Variants in PRSS8 observed in about 807,000 individuals in gnomAD.
PRSS8 encodes prostasin.
A neutral mutation model predicts 26.7 loss-of-function variants in PRSS8; 11 were observed. That is an observed-to-expected ratio of 0.41 (90% CI 0.26 to 0.68). PRSS8 has a LOEUF of 0.68. Ranked by LOEUF, PRSS8 falls within the 30% of genes least tolerant of loss-of-function variation. The pLI is 0.30. For missense variants in PRSS8, 362 were observed against 443.5 expected, an observed-to-expected ratio of 0.82 and a Z score of 1.65; for synonymous variants, 183 against 187.0, an observed-to-expected ratio of 0.98 and a Z score of 0.17.
chr16:31,134,669 T>G (rs1291052716), intron 2 of PRSS8: 1 of 168,222 alleles, frequency 5.9e-6, no homozygotes, highest in African/African-American at 2.4e-5. Context: ...GAGACCCACA[T>G]CTCTACCAAA....
chr16:31,135,465 G>T lies in PRSS8; in HGVS notation c.34C>A (p.Leu12Met). ...TAGAGCAGAATGGCCACAGCCCCCA[G>T]CTGCCCAGGCCCCAGGACCCCCTTC... ...AQKGVLGPGQ[L>M]GAVAILLYLG... Residue 12 changes from leucine (L) to methionine (M), a missense_variant, in exon 1 of 6, where the codon CTG becomes ATG. Physicochemically the swap from Leu to Met is conservative, Grantham distance 15. Coordinates refer to ENST00000317508, the MANE Select transcript of PRSS8 (RefSeq NM_002773.5). 1 of 1,587,710 alleles carries T rather than the reference G, an allele frequency of 6.3e-7. No individual in the cohort carries two copies.
rs1352282341 is a variant in PRSS8 at position 31,135,709 on chromosome 16, C to T, written c.-211G>A. 2.0e-5 allele frequency: 11 copies of T among 538,422 alleles called. No homozygotes were observed. Among genetic ancestry groups the T allele is most frequent in the Non-Finnish European group, 3.3e-5 (10 of 304,700 alleles). 33.4% of individuals were successfully genotyped at this position (538,422 alleles called of 1,614,324 possible). ...GAGTATCCGAAGCGAGCAGTGTGGA[C>T]GAGTCACCAGCACCGTCTGGCCACG... On this transcript the variant is annotated 5_prime_UTR_variant, in exon 1 of 6. Coordinates refer to ENST00000317508, the MANE Select transcript of PRSS8 (RefSeq NM_002773.5).
chr16:31,135,622 G>T lies in PRSS8; in HGVS notation c.-124C>A. 2.3e-6 allele frequency: 2 copies of T among 854,052 alleles called. No homozygotes were observed. The highest frequency in any genetic ancestry group is 1.8e-6 in the Non-Finnish European group (1 of 557,006). The allele number at this position is 854,052 out of a possible 1,614,324, so 52.9% of individuals were successfully genotyped here. A position where few individuals can be genotyped will look rare whatever the true frequency, so the allele number is the denominator to read the frequency against. Reference sequence around the variant, plus strand: ...AGGATCCCAGAATCCGGGCTGGAAAGGGGCAGCAAGTGTCCAAGGCTGGCC... The same window carrying T: ...AGGATCCCAGAATCCGGGCTGGAAATGGGCAGCAAGTGTCCAAGGCTGGCC... On this transcript the variant is annotated 5_prime_UTR_variant, in exon 1 of 6. Coordinates refer to ENST00000317508, the MANE Select transcript of PRSS8 (RefSeq NM_002773.5).
Position 31,133,333 on chromosome 16 carries a change from G to C in PRSS8, c.159C>G (p.Ala53=), listed in dbSNP as rs762864860. ...TGCTGACCTGCCAGGGCCACTGACCGGCGACTGCACTGCTGCCACCTGTGA... is the reference window on the plus strand; with the variant it reads ...TGCTGACCTGCCAGGGCCACTGACCCGCGACTGCACTGCTGCCACCTGTGA... ...ARITGGSSAV[A]GQWPWQVSIT... The change falls in exon 3 of 6, where the codon GCC becomes GCG. Residue 53 remains alanine, a synonymous_variant. Coordinates refer to ENST00000317508, the MANE Select transcript of PRSS8 (RefSeq NM_002773.5). The surrounding 1 kb of genome is among the most constrained non-coding windows in gnomAD (Gnocchi z 4.7). 1.2e-6 allele frequency: 2 copies of C among 1,613,980 alleles called. No homozygotes were observed.
rs2057584633 is a variant in PRSS8 at position 31,132,323 on chromosome 16, C to T, written c.718G>A (p.Gly240Ser). The T allele has an allele frequency of 6.2e-7, 1 of 1,613,976 alleles. No individual in the cohort carries two copies. The highest frequency in any genetic ancestry group is 8.5e-7 in the Non-Finnish European group (1 of 1,179,884). ...GKDACQGDSG[G>S]PLSCPVEGLW... ...CCCTCCACAGGGCAGGAGAGTGGGC[C>T]CCCAGAGTCACCCTGAGGAGAGAAG... The change falls in exon 6 of 6, where the codon GGC (glycine) becomes AGC (serine). Residue 240 changes from glycine to serine, a missense_variant. By Grantham distance (56) the Gly-to-Ser change is moderately conservative. Coordinates refer to ENST00000317508, the MANE Select transcript of PRSS8 (RefSeq NM_002773.5). The surrounding 1 kb of genome is among the most constrained non-coding windows in gnomAD (Gnocchi z 5.2).
At chr16:31,134,972 G>A (rs1406108392) in intron 2 of PRSS8, 182 bp downstream of exon 2, 3 of 685,314 alleles carry the variant, frequency 4.4e-6, no homozygotes, top group Non-Finnish European at 7.3e-6. Context: ...CTGGCAGTGT[G>A]CCCTGGGCAA....
chr16:31,135,083 G>A (rs1484825901), intron 2 of PRSS8, 71 bp downstream of exon 2: 13 of 1,569,870 alleles, frequency 8.3e-6, no homozygotes, highest in African/African-American at 1.4e-5. Context: ...GCCAGGCACT[G>A]GTTAAACCCC....
Position 31,131,899 on chromosome 16 carries a change from G to T in PRSS8, c.*110C>A. The T allele has an allele frequency of 7.9e-7, 1 of 1,268,708 alleles. No individual in the cohort carries two copies. 78.6% of individuals were successfully genotyped at this position (1,268,708 alleles called of 1,614,324 possible). A position where few individuals can be genotyped will look rare whatever the true frequency, so the allele number is the denominator to read the frequency against. The stretch of plus-strand genomic sequence containing the variant: ...AGATGGGGCCCCAGCCTCCCGCAGA[G>T]TCCTGAAGGAAGGAGTGGCTCAAGT... On this transcript the variant is annotated 3_prime_UTR_variant, in exon 6 of 6. Coordinates refer to ENST00000317508, the MANE Select transcript of PRSS8 (RefSeq NM_002773.5).
chr16:31,134,006 A>G (rs2144004997), intron 2 of PRSS8: 1 of 160,378 alleles, frequency 6.2e-6, no homozygotes, highest in Non-Finnish European at 1.4e-5. Flanking sequence ...ATTGTTCCGG[A>G]GTCCACAACT....
At position 31,132,513 on chromosome 16, in the gene PRSS8, G is replaced by A. The variant is rs762733791; in HGVS notation, c.621C>T (p.Ile207=). ...AGTGCGGCTCCTCAGGCTTGGCGTC[G>A]ATGTTGTACAGGCAGTTACACGTCT... The part of the protein sequence containing the change: ...SRETCNCLYN[I]DAKPEEPHFV... Residue 207 remains isoleucine, a synonymous_variant, in exon 5 of 6, where the codon ATC becomes ATT. Transcript: ENST00000317508. This position sits in a 1 kb window ranked among gnomAD's most constrained non-coding sequence, Gnocchi z 5.2. 1.1e-5 allele frequency: 18 copies of A among 1,613,920 alleles called. No homozygotes were observed. The highest frequency in any genetic ancestry group is 4.0e-5 in the African/African-American group (3 of 74,932).
chr16:31,132,553 G>C lies in PRSS8; in HGVS notation c.581C>G (p.Pro194Arg). 1 of 1,614,056 alleles carries C rather than the reference G, an allele frequency of 6.2e-7. No homozygotes were observed. Residue 194 changes from proline to arginine, a missense_variant, in exon 5 of 6, where the codon CCT becomes CGT. Physicochemically the swap from Pro to Arg is moderately radical, Grantham distance 103. Coordinates refer to ENST00000317508, the MANE Select transcript of PRSS8 (RefSeq NM_002773.5). This position sits in a 1 kb window ranked among gnomAD's most constrained non-coding sequence, Gnocchi z 5.2. Reference protein sequence around the residue: ...TPKPLQQLEVPLISRETCNCL... With the variant: ...TPKPLQQLEVRLISRETCNCL... ...GTTACACGTCTCACGACTGATCAGA[G>C]GCACCTCGAGTTGCTGCAGTGGCTT...
chr16:31,132,386 T>C lies in PRSS8; in HGVS notation c.705+43A>G, dbSNP rs774343794. 7 of 1,613,838 alleles carry C rather than the reference T, an allele frequency of 4.3e-6. No individual in the cohort carries two copies. In the East Asian group the frequency reaches 1.3e-4, roughly 31 times the overall value. On this transcript the variant is annotated intron_variant, in intron 5 of 5. Transcript: ENST00000317508. The surrounding 1 kb of genome is among the most constrained non-coding windows in gnomAD (Gnocchi z 5.2). Reference sequence around the variant, plus strand: ...CATCAGGACCGGGCCAGGCCTCCTTTCCGAAGTTGCACTGGTCATCTGCCC... The same window carrying C: ...CATCAGGACCGGGCCAGGCCTCCTTCCCGAAGTTGCACTGGTCATCTGCCC...
In PRSS8 at chr16:31,132,909, T is replaced by G; in HGVS notation, c.311A>C (p.Gln104Pro). The G allele has an allele frequency of 6.2e-7, 1 of 1,613,226 alleles. No homozygotes were observed. The highest frequency in any genetic ancestry group is 8.5e-7 in the Non-Finnish European group (1 of 1,179,496). Residue 104 changes from glutamine (Q) to proline (P), a missense_variant, in exon 4 of 6, where the codon CAG (glutamine) becomes CCG (proline). By Grantham distance (76) the Gln-to-Pro change is moderately conservative. Coordinates refer to ENST00000317508, the MANE Select transcript of PRSS8 (RefSeq NM_002773.5). This position sits in a 1 kb window ranked among gnomAD's most constrained non-coding sequence, Gnocchi z 5.2. ...GGCGTCCTCGGAGTAGGAGTCTAGC[T>G]GGTGGGCCCCCAGCTTGACCTCATA... is the stretch of plus-strand genomic sequence containing the variant. ...EAYEVKLGAH[Q>P]LDSYSEDAKV...
intron 2 of PRSS8, chr16:31,134,828 G>A (rs889253060): frequency 5.9e-6 from 2 of 339,100 alleles, no homozygotes; most frequent in Non-Finnish European, 1.1e-5. Context: ...AGCTGCGATC[G>A]GGCCACTGCA....
Position 31,131,829 on chromosome 16 carries a change from T to G in PRSS8, c.*180A>C, listed in dbSNP as rs543418882. On this transcript the variant is annotated 3_prime_UTR_variant, in exon 6 of 6. Transcript: ENST00000317508. ...AGGCAGTAAAACTCCTGACTCTCAG[T>G]GATGGTCCCAAAAAGCACACCCAGA... The G allele has an allele frequency of 2.7e-5, 18 of 658,186 alleles. No individual in the cohort carries two copies. Among genetic ancestry groups the G allele is most frequent in the Non-Finnish European group, 4.5e-5 (18 of 399,074 alleles). 40.8% of individuals were successfully genotyped at this position (658,186 alleles called of 1,614,324 possible).
In PRSS8 at chr16:31,132,389, G is replaced by A. The variant is rs370234858; in HGVS notation, c.705+40C>T. ...CAGGACCGGGCCAGGCCTCCTTTCCGAAGTTGCACTGGTCATCTGCCCCCC... is the reference window on the plus strand; with the variant it reads ...CAGGACCGGGCCAGGCCTCCTTTCCAAAGTTGCACTGGTCATCTGCCCCCC... On this transcript the variant is annotated intron_variant, in intron 5 of 5. Coordinates refer to ENST00000317508, the MANE Select transcript of PRSS8 (RefSeq NM_002773.5). This position sits in a 1 kb window ranked among gnomAD's most constrained non-coding sequence, Gnocchi z 5.2. 66 of 1,613,882 alleles carry A rather than the reference G, an allele frequency of 4.1e-5. No homozygotes were observed. In the African/African-American group the frequency reaches 5.1e-4, roughly 12 times the overall value.
chr16:31,131,958 C>CCAGG lies in PRSS8; in HGVS notation c.*47_*50dup. 1 of 1,478,712 alleles carries CCAGG rather than the reference C, an allele frequency of 6.8e-7. No homozygotes were observed. Among genetic ancestry groups the CCAGG allele is most frequent in the South Asian group, 1.4e-5 (1 of 72,782 alleles). 91.6% of individuals were successfully genotyped at this position (1,478,712 alleles called of 1,614,324 possible). A position where few individuals can be genotyped will look rare whatever the true frequency, so the allele number is the denominator to read the frequency against. Reference sequence around the variant, plus strand: ...GGGTCCAAAGGCCATCAGGGAAGGACCAGGCTCCTGTCCTTGAGTGTGATG... The same window carrying CCAGG: ...GGGTCCAAAGGCCATCAGGGAAGGACCAGGCAGGCTCCTGTCCTTGAGTGTGATG... On this transcript the variant is annotated 3_prime_UTR_variant, in exon 6 of 6. Coordinates refer to ENST00000317508, the MANE Select transcript of PRSS8 (RefSeq NM_002773.5).
rs878996764 is a variant in PRSS8 at position 31,131,493 on chromosome 16, G to T, written c.*516C>A. The T allele has an allele frequency of 9.1e-5, 54 of 591,674 alleles. No homozygotes were observed. The South Asian group carries it at 9.4e-4, about 10-fold the overall frequency. The allele number at this position is 591,674 out of a possible 1,614,324, so 36.7% of individuals were successfully genotyped here. On this transcript the variant is annotated 3_prime_UTR_variant, in exon 6 of 6. Transcript: ENST00000317508. ...ACTCCCACCCCAGATCCAAGCGCCA[G>T]CCCAGTTCCGGTGGGGGCTCAGTCC...
chr16:31,135,421 C>T lies in PRSS8; in HGVS notation c.78G>A (p.Ser26=), dbSNP rs11558743. 8.5e-3 allele frequency: 13,563 copies of T among 1,593,894 alleles called. 105 individuals carry two copies. Among genetic ancestry groups the T allele is most frequent in the South Asian group, 0.025 (2,201 of 87,956 alleles). The change falls in exon 1 of 6, where the codon TCG becomes TCA. Residue 26 remains serine, a synonymous_variant. Transcript: ENST00000317508. ...CCCCACGTCCTCACTTACCTGTCCC[C>T]GACCGGAGTAATCCAAGATAGAGCA... ...AILLYLGLLR[S]GTGAEGAEAP...
Sources: gnomAD v4.1 joint callset for allele counts on GRCh38, gnomAD v4.1.1 for gene constraint, Gnocchi (gnomAD v3.1) non-coding constraint, MANE v1.5 for transcripts, NCBI Gene and HGNC (gene_info 2026-07-23, HGNC 2026-07-21) for gene names.